CCDC39: variants seen among roughly 807,000 people sequenced by gnomAD.
CCDC39 encodes the protein coiled-coil domain-containing protein 39.
A neutral mutation model predicts 121.0 loss-of-function variants in CCDC39; 113 were observed. The ratio of observed to expected loss-of-function variants is 0.93; its 90% CI spans 0.80 to 1.09. The LOEUF (loss-of-function observed/expected upper bound fraction) is 1.09. Ranked by LOEUF, CCDC39 falls within the 50% of genes least tolerant of loss-of-function variation. The pLI is 0.00. For missense variants in CCDC39, 1,063 were observed against 1,074.7 expected (o/e 0.99, Z 0.15); for synonymous variants, 349 against 352.2 (o/e 0.99, Z 0.10).
intron 13 of CCDC39, among the ~76,000 whole-genome samples, chr3:180,641,239 C>T (rs1303522912): frequency 6.6e-6 from 1 of 151,924 alleles, no homozygotes; most frequent in Non-Finnish European, 1.5e-5. Flanking sequence ...AACAAAATAA[C>T]TTCTTAGTAA....
intron 13 of CCDC39, among the ~76,000 whole-genome samples, chr3:180,641,442 G>C (rs1167108598): frequency 6.6e-6 from 1 of 151,758 alleles, no homozygotes; most frequent in Non-Finnish European, 1.5e-5. Context: ...TATAAAGATT[G>C]GAAAGCAAGA....
Position 180,673,510 on chromosome 3 carries a change from A to G in CCDC39, c.90+5781T>C, listed in dbSNP as rs569000945. Among the ~76,000 whole-genome samples, 63 of 152,296 alleles carry G rather than the reference A, an allele frequency of 4.1e-4. 1 individual carries two copies. Among genetic ancestry groups the G allele is most frequent in the African/African-American group, 1.5e-3 (61 of 41,566 alleles). The stretch of plus-strand genomic sequence containing the variant: ...TTTTTTTAACAATAAAGTATTTTCA[A>G]TTAAGGTATGCACACGTTTTGAATT... On this transcript the variant is annotated intron_variant, in intron 1 of 19. Transcript: ENST00000476379.
chr3:180,664,577 GA>G (rs1251348569), intron 1 of CCDC39, among the ~76,000 whole-genome samples: 1 of 152,126 alleles, frequency 6.6e-6, no homozygotes, highest in Non-Finnish European at 1.5e-5. Context: ...ACACGGAATG[GA>G]AATCTCTCTT....
rs111373252 is a variant in CCDC39 at position 180,614,216 on chromosome 3, T to G, written c.*705A>C. 17 of 163,760 alleles carry G rather than the reference T, an allele frequency of 1.0e-4. No homozygotes were observed. Among genetic ancestry groups the G allele is most frequent in the Non-Finnish European group, 2.0e-4 (15 of 74,738 alleles). The allele number at this position is 163,760 out of a possible 1,614,324, so 10.1% of individuals were successfully genotyped here. On this transcript the variant is annotated 3_prime_UTR_variant, in exon 20 of 20. Coordinates refer to ENST00000476379, the MANE Select transcript of CCDC39 (RefSeq NM_181426.2). ...AATCGTTTATTAAATCAAGAAAATT[T>G]CAAAATTGTTTATACTTGGTTGGCT...
rs1429796397 is a variant in CCDC39, at chr3:180,647,169, C to T, written c.1437G>A (p.Ala479=). 4 of 1,611,282 alleles carry T rather than the reference C, an allele frequency of 2.5e-6. No individual in the cohort carries two copies. Among genetic ancestry groups the T allele is most frequent in the East Asian group, 2.2e-5 (1 of 44,716 alleles). ...KGEINSEEKQ[A]LEAKIVELRK... ...TAAGTTCAACAATTTTTGCTTCAAG[C>T]GCTTGTTTTTCTTCTGAATTAATTT... Residue 479 remains alanine, a synonymous_variant, in exon 11 of 20, where the codon GCG becomes GCA. Transcript: ENST00000476379.
Position 180,614,445 on chromosome 3 carries a change from T to C in CCDC39, c.*476A>G, listed in dbSNP as rs1343160694. On this transcript the variant is annotated 3_prime_UTR_variant, in exon 20 of 20. Coordinates refer to ENST00000476379, the MANE Select transcript of CCDC39 (RefSeq NM_181426.2). The stretch of plus-strand genomic sequence containing the variant: ...AATTATAGCAAAAGAAGAAACTGCC[T>C]TTAACAATTTTTCTCCCCAAAAGTC... The C allele has an allele frequency of 6.5e-6, 1 of 152,820 alleles. No homozygotes were observed. The highest frequency in any genetic ancestry group is 1.5e-5 in the Non-Finnish European group (1 of 68,572). 9.5% of individuals were successfully genotyped at this position (152,820 alleles called of 1,614,324 possible).
chr3:180,639,825 G>A (rs931920739), intron 13 of CCDC39, among the ~76,000 whole-genome samples: 2 of 151,996 alleles, frequency 1.3e-5, no homozygotes, highest in Non-Finnish European at 2.9e-5. Context: ...AGACAATATG[G>A]CCTGCAAGGA....
intron 1 of CCDC39, among the ~76,000 whole-genome samples, chr3:180,677,853 A>G (rs73885324): frequency 0.027 from 4,091 of 152,178 alleles, 209 homozygotes; most frequent in African/African-American, 0.095. Flanking sequence ...TTTATCTCAT[A>G]CCCTTCTATT....
intron 13 of CCDC39, among the ~76,000 whole-genome samples, chr3:180,640,147 T>A (rs1717922314): frequency 1.3e-5 from 2 of 152,126 alleles, no homozygotes; most frequent in South Asian, 4.1e-4. Flanking sequence ...ATGGTGGTGA[T>A]GGTCTCTCCG....
chr3:180,631,290 A>G (rs1415625367), intron 14 of CCDC39, among the ~76,000 whole-genome samples, 179 bp downstream of exon 14: 2 of 152,214 alleles, frequency 1.3e-5, no homozygotes, highest in Non-Finnish European at 2.9e-5. Context: ...CCATTTAGGA[A>G]TGAATGTTTT....
At chr3:180,647,045 A>T (rs777832046) in intron 11 of CCDC39, 34 bp downstream of exon 11, 1 of 1,587,716 alleles carries the variant, frequency 6.3e-7, no homozygotes, top group Non-Finnish European at 8.6e-7. Context: ...TGACTAGGAT[A>T]TTTGAAATAT....
intron 10 of CCDC39, 32 bp from the exon 11 acceptor site, chr3:180,647,275 A>C (rs201586166): frequency 6.7e-7 from 1 of 1,500,180 alleles, no homozygotes; most frequent in Non-Finnish European, 8.9e-7. Context: ...AAGGTATTAC[A>C]AAGAAAAAAA....
intron 2 of CCDC39, 141 bp downstream of exon 2, chr3:180,663,726 C>G (rs1326848002): frequency 1.3e-6 from 1 of 792,620 alleles, no homozygotes; most frequent in African/African-American, 1.8e-5. Context: ...TTTCTATCTA[C>G]TTTCATGTTC....
At chr3:180,649,237 A>G (rs1163875070) in intron 9 of CCDC39, among the ~76,000 whole-genome samples, 1 of 152,200 alleles carries the variant, frequency 6.6e-6, no homozygotes, top group Non-Finnish European at 1.5e-5. Flanking sequence ...TCTAGGAAAT[A>G]GAAATGAGTC....
chr3:180,626,839 T>C (rs1357534305), intron 14 of CCDC39, among the ~76,000 whole-genome samples: 1 of 152,156 alleles, frequency 6.6e-6, no homozygotes, highest in Non-Finnish European at 1.5e-5. Context: ...GTCACCCCTC[T>C]CCCACCTTGG....
chr3:180,663,814 T>C, intron 2 of CCDC39, 53 bp downstream of exon 2: 1 of 1,550,386 alleles, frequency 6.5e-7, no homozygotes, highest in South Asian at 1.1e-5. Context: ...AAATATACTA[T>C]GAGATGTTCC....
At chr3:180,673,483 AT>A (rs139280451) in intron 1 of CCDC39, among the ~76,000 whole-genome samples, 5 of 152,008 alleles carry the variant, frequency 3.3e-5, no homozygotes, top group African/African-American at 1.2e-4. Flanking sequence ...GCTTGTTAGT[AT>A]TTTTTTTAAC....
chr3:180,635,390 T>A (rs1560084979), intron 13 of CCDC39, among the ~76,000 whole-genome samples: 1 of 145,706 alleles, frequency 6.9e-6, no homozygotes, highest in African/African-American at 2.5e-5. Flanking sequence ...CTTAGCTCAC[T>A]CCAGCATTAA....
intron 1 of CCDC39, among the ~76,000 whole-genome samples, chr3:180,668,478 T>G (rs1711948058): frequency 6.6e-6 from 1 of 152,180 alleles, no homozygotes; most frequent in South Asian, 2.1e-4. Context: ...CCCTAATGGC[T>G]AGTTGTATAT....
Sources: allele counts gnomAD v4.1 joint callset (sites outside exome capture counted in the v4.1 genomes callset), GRCh38; gene constraint gnomAD v4.1.1; transcripts MANE v1.5; gene names NCBI Gene and HGNC (gene_info 2026-07-23, HGNC 2026-07-21).